The following PHOSPHO2 variants were observed in gnomAD, a reference collection of about 807,000 sequenced individuals.
The protein encoded by PHOSPHO2 is pyridoxal phosphate phosphatase PHOSPHO2.
In PHOSPHO2, 14 loss-of-function variants were observed where a neutral mutation model predicts 16.4. The ratio of observed to expected loss-of-function variants is 0.85; its 90% CI spans 0.56 to 1.33. The LOEUF (loss-of-function observed/expected upper bound fraction) is 1.33, where lower values mean the gene tolerates loss of function less well. Ranked by LOEUF, PHOSPHO2 falls within the 40% of genes most tolerant of loss-of-function variation. PHOSPHO2 has a pLI of 0.00. For missense variants in PHOSPHO2, 246 were observed against 282.5 expected (o/e 0.87, Z 0.93); for synonymous variants, 85 against 90.5 (o/e 0.94, Z 0.34).
At position 169,701,199 on chromosome 2, in the gene PHOSPHO2, A is replaced by G. The variant is rs760343142; in HGVS notation, c.228A>G (p.Pro76=). Residue 76 remains proline (P), a synonymous_variant, in exon 4 of 4, where the codon CCA becomes CCG. Coordinates refer to ENST00000359744, the MANE Select transcript of PHOSPHO2 (RefSeq NM_001008489.4). The part of the protein sequence containing the change: ...KRAVTSLPFT[P]GMVELFNFIR... ...CAGTGACATCATTGCCTTTCACTCC[A>G]GGGATGGTGGAACTCTTCAACTTTA... 2 of 1,614,070 alleles carry G rather than the reference A, an allele frequency of 1.2e-6. No individual in the cohort carries two copies. The highest frequency in any genetic ancestry group is 2.2e-5 in the South Asian group (2 of 91,078).
At chr2:169,700,274 G>T (rs1271507984) in intron 3 of PHOSPHO2, among the ~76,000 whole-genome samples, 1 of 152,074 alleles carries the variant, frequency 6.6e-6, no homozygotes, top group Non-Finnish European at 1.5e-5. Flanking sequence ...CCTTTGCTGT[G>T]TCCTGAATTG....
chr2:169,699,492 A>T (rs573393937), intron 3 of PHOSPHO2, among the ~76,000 whole-genome samples: 3 of 152,300 alleles, frequency 2.0e-5, no homozygotes, highest in African/African-American at 7.2e-5. Context: ...ATACGCTTGC[A>T]TGTATCTTTA....
intron 3 of PHOSPHO2, among the ~76,000 whole-genome samples, chr2:169,699,289 CTG>C (rs1185195466): frequency 6.8e-6 from 1 of 147,564 alleles, no homozygotes; most frequent in Non-Finnish European, 1.5e-5. Context: ...GTTGTTGTTC[CTG>C]TGTTAGTTTG....
chr2:169,701,070 T>G lies in PHOSPHO2; in HGVS notation c.99T>G (p.Ile33Met), dbSNP rs1178758311. The G allele has an allele frequency of 6.2e-7, 1 of 1,614,018 alleles. No individual in the cohort carries two copies. Among genetic ancestry groups the G allele is most frequent in the Non-Finnish European group, 8.5e-7 (1 of 1,179,958 alleles). The change falls in exon 4 of 4, where the codon ATT becomes ATG. Residue 33 changes from isoleucine (I) to methionine (M), a missense_variant. Physicochemically the swap from Ile to Met is conservative, Grantham distance 10. Transcript: ENST00000359744. ...VQCAPNKKLP[I>M]ELRDSYRKGF... is the part of the protein sequence containing the mutation. ...GTGCTCCCAACAAAAAGCTTCCTATTGAACTACGTGATTCTTATCGAAAAG... is the reference window on the plus strand; with the variant it reads ...GTGCTCCCAACAAAAAGCTTCCTATGGAACTACGTGATTCTTATCGAAAAG...
At position 169,701,670 on chromosome 2, in the gene PHOSPHO2, T is replaced by A; in HGVS notation, c.699T>A (p.Ser233=). The stretch of plus-strand genomic sequence containing the variant: ...GGTCCTCAGGTGTTGATATAATTTC[T>A]CATTTACAATTTCTAATAAAGGATT... ...VVWSSGVDII[S]HLQFLIKD Residue 233 remains serine (S), a synonymous_variant, in exon 4 of 4, where the codon TCT becomes TCA. Coordinates refer to ENST00000359744, the MANE Select transcript of PHOSPHO2 (RefSeq NM_001008489.4). 6.4e-7 allele frequency: 1 copy of A among 1,556,576 alleles called. No homozygotes were observed. Among genetic ancestry groups the A allele is most frequent in the South Asian group, 1.2e-5 (1 of 85,336 alleles).
chr2:169,698,207 A>C (rs1166971202), intron 3 of PHOSPHO2: 1 of 152,172 alleles, frequency 6.6e-6, no homozygotes. Context: ...AAAAACCTCA[A>C]AATGGTTATA....
chr2:169,695,637 C>CA lies in PHOSPHO2; in HGVS notation c.-198+403dup, dbSNP rs71006023. 6.8e-4 allele frequency among the ~76,000 whole-genome samples: 96 copies of CA among 141,816 alleles called. 1 individual carries two copies. The highest frequency in any genetic ancestry group is 6.4e-4 in the Admixed American group (9 of 13,996). 93.0% of individuals were successfully genotyped at this position (141,816 alleles called of 152,430 possible). On this transcript the variant is annotated intron_variant, in intron 2 of 3. Coordinates refer to ENST00000359744, the MANE Select transcript of PHOSPHO2 (RefSeq NM_001008489.4). Reference sequence around the variant, plus strand: ...TGGGCGACAGAGCGAGACTCCGTCTCAAAAAAAAAAAAAGTTTCAAGAACT... The same window carrying CA: ...TGGGCGACAGAGCGAGACTCCGTCTCAAAAAAAAAAAAAAGTTTCAAGAACT...
chr2:169,696,689 A>T (rs1462864474), intron 2 of PHOSPHO2, among the ~76,000 whole-genome samples: 1 of 152,248 alleles, frequency 6.6e-6, no homozygotes, highest in African/African-American at 2.4e-5. Flanking sequence ...ATTGGTTTCA[A>T]AACAGATTCA....
At chr2:169,697,695 ATTAAGT>A (rs1361503870) in intron 3 of PHOSPHO2, among the ~76,000 whole-genome samples, 164 bp downstream of exon 3, 2 of 152,236 alleles carry the variant, frequency 1.3e-5, no homozygotes, top group Admixed American at 6.5e-5. Flanking sequence ...TTTGTGGCTA[ATTAAGT>A]TTAGGTTTGA....
At position 169,701,416 on chromosome 2, in the gene PHOSPHO2, A is replaced by G. The variant is rs1201099055; in HGVS notation, c.445A>G (p.Lys149Glu). ...YHTHSCNRCP[K>E]NLCKKVVLIE... ...TACTCATTCTTGCAATAGATGCCCA[A>G]AGAATCTTTGCAAAAAGGTAGTTTT... is the stretch of plus-strand genomic sequence containing the variant. Residue 149 changes from lysine to glutamate, a missense_variant, in exon 4 of 4, where the codon AAG (lysine) becomes GAG (glutamate). Transcript: ENST00000359744. 6.2e-7 allele frequency: 1 copy of G among 1,613,324 alleles called. No individual in the cohort carries two copies. Among genetic ancestry groups the G allele is most frequent in the African/African-American group, 1.3e-5 (1 of 74,922 alleles).
chr2:169,699,965 CAG>C (rs779616441), intron 3 of PHOSPHO2, among the ~76,000 whole-genome samples: 9 of 152,052 alleles, frequency 5.9e-5, no homozygotes, highest in Non-Finnish European at 1.3e-4. Flanking sequence ...ATTTTATGGG[CAG>C]AGTCTTTAAC....
chr2:169,699,024 A>T (rs1164729353), intron 3 of PHOSPHO2, among the ~76,000 whole-genome samples: 2 of 152,078 alleles, frequency 1.3e-5, no homozygotes, highest in African/African-American at 2.4e-5. Context: ...TTTGATTTCC[A>T]CCTTTTAAGT....
chr2:169,694,705 T>C, intron 1 of PHOSPHO2, 83 bp downstream of exon 1: 1 of 349,938 alleles, frequency 2.9e-6, no homozygotes, highest in Non-Finnish European at 5.6e-6. Flanking sequence ...CGACCCCCGA[T>C]TGGGTCCGAT....
Position 169,701,153 on chromosome 2 carries a change from G to C in PHOSPHO2, c.182G>C (p.Arg61Thr), listed in dbSNP as rs778030591. Residue 61 changes from arginine to threonine, a missense_variant, in exon 4 of 4, where the codon AGA (arginine) becomes ACA (threonine). Coordinates refer to ENST00000359744, the MANE Select transcript of PHOSPHO2 (RefSeq NM_001008489.4). ...VFKYLGDKGV[R>T]EHEMKRAVTS... Reference sequence around the variant, plus strand: ...AAGTATTTGGGAGATAAGGGTGTAAGAGAACATGAAATGAAAAGAGCAGTG... The same window carrying C: ...AAGTATTTGGGAGATAAGGGTGTAACAGAACATGAAATGAAAAGAGCAGTG... 6.2e-7 allele frequency: 1 copy of C among 1,613,926 alleles called. No individual in the cohort carries two copies. Among genetic ancestry groups the C allele is most frequent in the African/African-American group, 1.3e-5 (1 of 74,926 alleles).
chr2:169,697,084 C>T (rs1387149106), intron 2 of PHOSPHO2, among the ~76,000 whole-genome samples: 4 of 151,282 alleles, frequency 2.6e-5, no homozygotes, highest in African/African-American at 9.7e-5. Context: ...GGCGCGATCT[C>T]GGCTCACTGC....
In PHOSPHO2 at chr2:169,700,947, G is replaced by T. The variant is rs752179683; in HGVS notation, c.-25G>T. ...GGAATAATATTTCTTCTTTTTCAGGGTAATCCAAATCTATTTCTGGAACCA... is the reference window on the plus strand; with the variant it reads ...GGAATAATATTTCTTCTTTTTCAGGTTAATCCAAATCTATTTCTGGAACCA... On this transcript the variant is annotated splice_region_variant and 5_prime_UTR_variant, in exon 4 of 4. Coordinates refer to ENST00000359744, the MANE Select transcript of PHOSPHO2 (RefSeq NM_001008489.4). 6.4e-7 allele frequency: 1 copy of T among 1,564,038 alleles called. No homozygotes were observed. The highest frequency in any genetic ancestry group is 1.2e-5 in the South Asian group (1 of 83,154).
At chr2:169,695,687 T>C (rs1323795310) in intron 2 of PHOSPHO2, among the ~76,000 whole-genome samples, 1 of 151,820 alleles carries the variant, frequency 6.6e-6, no homozygotes, top group Non-Finnish European at 1.5e-5. Flanking sequence ...ATTTTTACCC[T>C]GTTTGCAGGC....
At chr2:169,695,547 G>A (rs1022830378) in intron 2 of PHOSPHO2, among the ~76,000 whole-genome samples, 5 of 152,158 alleles carry the variant, frequency 3.3e-5, no homozygotes, top group South Asian at 2.1e-4. Context: ...TGAGGCAGGA[G>A]AATGGCGTGA....
intron 1 of PHOSPHO2, 132 bp downstream of exon 1, chr2:169,694,754 GC>G (rs1687447780): frequency 1.0e-5 from 3 of 291,124 alleles, no homozygotes; most frequent in Non-Finnish European, 2.1e-5. Context: ...GTGTGAGCGC[GC>G]GAGGCCTAGG....
Sources: gnomAD v4.1 joint callset for allele counts (sites outside exome capture counted in the v4.1 genomes callset) on GRCh38, gnomAD v4.1.1 for gene constraint, MANE v1.5 for transcripts, NCBI Gene and HGNC (gene_info 2026-07-23, HGNC 2026-07-21) for gene names.